ADGRL3: variants seen among roughly 807,000 people sequenced by gnomAD.
ADGRL3 encodes the protein adhesion G protein-coupled receptor L3, also known as calcium-independent alpha-latrotoxin receptor 3.
ADGRL3 carries 62 observed loss-of-function variants against 153.5 expected under a neutral mutation model. That is an observed-to-expected ratio of 0.40 (90% CI 0.33 to 0.50). The LOEUF is 0.50. ADGRL3 is among the 20% of genes least tolerant of loss of function. The pLI is 0.47. For synonymous variants in ADGRL3, 710 were observed against 672.5 expected (o/e 1.06, Z -0.86); for missense variants, 1,641 against 1,859.4 (o/e 0.88, Z 2.16).
chr4:61,994,442 G>A (rs2099114836), intron 19 of ADGRL3, among the ~76,000 whole-genome samples: 2 of 151,934 alleles, frequency 1.3e-5, no homozygotes, highest in Admixed American at 1.3e-4. Flanking sequence ...GTGAGCCGCT[G>A]TGGCTAGCCT....
At chr4:61,698,761 G>A (rs1171297895) in intron 6 of ADGRL3, among the ~76,000 whole-genome samples, 2 of 152,158 alleles carry the variant, frequency 1.3e-5, no homozygotes, top group Admixed American at 1.3e-4. Flanking sequence ...TTTGATTGCA[G>A]CCACAGCTTA....
intron 8 of ADGRL3, among the ~76,000 whole-genome samples, chr4:61,805,228 C>T (rs2097541860): frequency 6.6e-6 from 1 of 152,142 alleles, no homozygotes; most frequent in Non-Finnish European, 1.5e-5. Context: ...AGGCATGAGC[C>T]ACCGCGCCTG....
chr4:61,922,755 G>A (rs148652866), intron 13 of ADGRL3, among the ~76,000 whole-genome samples: 1,674 of 152,220 alleles, frequency 0.011, 28 homozygotes, highest in African/African-American at 0.038. Flanking sequence ...ACTGTTTCAG[G>A]TGCAGGGATT....
chr4:61,739,719 C>A (rs1174080375), intron 8 of ADGRL3, among the ~76,000 whole-genome samples: 2 of 152,052 alleles, frequency 1.3e-5, no homozygotes, highest in Admixed American at 6.6e-5. Flanking sequence ...TAAGTCACTC[C>A]CCCCACCCTG....
intron 5 of ADGRL3, among the ~76,000 whole-genome samples, chr4:61,599,580 G>T (rs1465323282): frequency 6.6e-6 from 1 of 152,168 alleles, no homozygotes; most frequent in Non-Finnish European, 1.5e-5. Context: ...TGATCCACCT[G>T]CCTGGGCCTC....
intron 17 of ADGRL3, among the ~76,000 whole-genome samples, chr4:61,951,880 A>G (rs907555354): frequency 1.3e-5 from 2 of 152,102 alleles, no homozygotes; most frequent in African/African-American, 4.8e-5. Flanking sequence ...AACAAAACAA[A>G]CAAAATGATT....
intron 9 of ADGRL3, among the ~76,000 whole-genome samples, chr4:61,875,323 A>G (rs1561399369): frequency 6.6e-6 from 1 of 152,224 alleles, no homozygotes; most frequent in Non-Finnish European, 1.5e-5. Flanking sequence ...TCTTGCATTT[A>G]GAATACATAA....
chr4:61,653,542 A>G (rs2094343716), intron 5 of ADGRL3, among the ~76,000 whole-genome samples: 1 of 152,146 alleles, frequency 6.6e-6, no homozygotes, highest in South Asian at 2.1e-4. Flanking sequence ...CCAGGGTTTA[A>G]CTAGCTTTGG....
intron 9 of ADGRL3, among the ~76,000 whole-genome samples, chr4:61,843,868 G>A (rs920926842): frequency 6.6e-6 from 1 of 151,890 alleles, no homozygotes. Flanking sequence ...TAAAAAATTA[G>A]CCAGGCATAG....
chr4:61,663,177 C>T (rs1253633010), intron 5 of ADGRL3, among the ~76,000 whole-genome samples: 1 of 152,166 alleles, frequency 6.6e-6, no homozygotes, highest in Non-Finnish European at 1.5e-5. Context: ...ACTCCTTGCT[C>T]ACTACATTGT....
At chr4:61,337,299 A>T (rs2095699052) in intron 1 of ADGRL3, among the ~76,000 whole-genome samples, 1 of 152,184 alleles carries the variant, frequency 6.6e-6, no homozygotes, top group Non-Finnish European at 1.5e-5. Flanking sequence ...TTTTGAGAAT[A>T]CAGCTGAATG....
At chr4:61,329,929 G>A (rs988914930) in intron 1 of ADGRL3, among the ~76,000 whole-genome samples, 2 of 152,032 alleles carry the variant, frequency 1.3e-5, no homozygotes, top group African/African-American at 4.8e-5. Flanking sequence ...CATGAAATTG[G>A]GCCTCCTTGA....
intron 6 of ADGRL3, among the ~76,000 whole-genome samples, chr4:61,701,547 G>C (rs757127183): frequency 2.1e-5 from 3 of 143,248 alleles, no homozygotes; most frequent in Non-Finnish European, 4.5e-5. Flanking sequence ...TGATTATCCT[G>C]CCTCAGCCTC....
At chr4:61,638,535 T>A (rs1048429710) in intron 5 of ADGRL3, among the ~76,000 whole-genome samples, 8 of 152,220 alleles carry the variant, frequency 5.3e-5, no homozygotes, top group African/African-American at 1.9e-4. Flanking sequence ...TATTCTGGCA[T>A]ACAGTCCACT....
In ADGRL3 at chr4:61,468,849, CTCCCT is replaced by C. The variant is rs1485471330; in HGVS notation, c.-173-28269_-173-28265del. On this transcript the variant is annotated intron_variant, in intron 2 of 26. Transcript: ENST00000683033. ...TGCTTTAGTTTTATCGATATAACCA[CTCCCT>C]TCTATTGACAGATCTCCCCATTTCT... Among the ~76,000 whole-genome samples, 36 of 152,196 alleles carry C rather than the reference CTCCCT, an allele frequency of 2.4e-4. No homozygotes were observed. In the East Asian group the frequency reaches 4.8e-3, roughly 20 times the overall value.
At chr4:61,394,751 A>T (rs149781532) in intron 2 of ADGRL3, among the ~76,000 whole-genome samples, 2 of 152,058 alleles carry the variant, frequency 1.3e-5, no homozygotes, top group African/African-American at 2.4e-5. Flanking sequence ...GAGAACAATA[A>T]TGCAATTAGC....
At chr4:61,914,111 T>G (rs1218422432) in intron 13 of ADGRL3, among the ~76,000 whole-genome samples, 1 of 152,058 alleles carries the variant, frequency 6.6e-6, no homozygotes, top group Non-Finnish European at 1.5e-5. Context: ...TGCAGTTGAG[T>G]AGATTCAGCT....
At chr4:61,333,028 G>A (rs1462379875) in intron 1 of ADGRL3, among the ~76,000 whole-genome samples, 2 of 151,498 alleles carry the variant, frequency 1.3e-5, no homozygotes, top group African/African-American at 2.4e-5. Flanking sequence ...ATGAAGCAAT[G>A]TGTGTATGCC....
intron 1 of ADGRL3, among the ~76,000 whole-genome samples, chr4:61,264,354 A>T (rs1314159718): frequency 6.6e-6 from 1 of 151,968 alleles, no homozygotes. Context: ...CCCTCTCCAC[A>T]ATTGGAACCC....
Sources: gnomAD v4.1 joint callset for allele counts (sites outside exome capture counted in the v4.1 genomes callset) on GRCh38, gnomAD v4.1.1 for gene constraint, MANE v1.5 for transcripts, NCBI Gene and HGNC (gene_info 2026-07-23, HGNC 2026-07-21) for gene names.